The following TTC23L variants were observed in gnomAD, a reference collection of about 807,000 sequenced individuals.
TTC23L encodes the protein tetratricopeptide repeat domain 23 like, also known as tetratricopeptide repeat protein 23-like.
A neutral mutation model predicts 48.1 loss-of-function variants in TTC23L; 42 were observed. The ratio of observed to expected loss-of-function variants is 0.87; its 90% CI spans 0.68 to 1.13. The LOEUF (loss-of-function observed/expected upper bound fraction) is 1.13. TTC23L is among the 50% of genes most tolerant of loss of function. The pLI is 0.00. For synonymous variants in TTC23L, 159 were observed against 157.2 expected (o/e 1.01, Z -0.09); for missense variants, 391 against 421.0 (o/e 0.93, Z 0.62).
chr5:34,880,704 T>A (rs1031128892), intron 9 of TTC23L: 14 of 363,664 alleles, frequency 3.8e-5, no homozygotes, highest in Non-Finnish European at 6.8e-5. Context: ...AGTGGGGCGA[T>A]CTCGGCTCAC....
At chr5:34,889,907 T>G (rs1011386031) in intron 9 of TTC23L, among the ~76,000 whole-genome samples, 3 of 151,828 alleles carry the variant, frequency 2.0e-5, no homozygotes, top group African/African-American at 7.3e-5. Flanking sequence ...GGCGCGATCT[T>G]GGCTCACTGC....
downstream of TTC23L, among the ~76,000 whole-genome samples, chr5:34,900,271 GTATGT>G (rs1029132509): frequency 1.3e-5 from 2 of 152,026 alleles, no homozygotes; most frequent in South Asian, 2.1e-4. Context: ...CACATATTTT[GTATGT>G]TATATGTATA....
the TTC23L span, among the ~76,000 whole-genome samples, chr5:34,924,025 G>C: frequency 1.5e-3 from 224 of 152,218 alleles, no homozygotes; most frequent in Non-Finnish European, 2.1e-3. Flanking sequence ...CTCTCTCAAA[G>C]CTTAGAAGTT....
the TTC23L span, chr5:34,922,816 G>C: frequency 6.5e-7 from 1 of 1,539,798 alleles, no homozygotes; most frequent in Non-Finnish European, 9.0e-7. Context: ...TATCTGGCAT[G>C]GTTGTTTTTA....
intron 8 of TTC23L, among the ~76,000 whole-genome samples, chr5:34,877,529 T>G (rs1432841936): frequency 6.6e-6 from 1 of 152,134 alleles, no homozygotes; most frequent in Non-Finnish European, 1.5e-5. Context: ...GCTCAAGTGA[T>G]TCTCCTGCCT....
At chr5:34,869,355 G>A (rs1761290447) in intron 8 of TTC23L, 1 of 199,208 alleles carries the variant, frequency 5.0e-6, no homozygotes, top group South Asian at 9.4e-5. Flanking sequence ...AATGGGTAGA[G>A]CTTTACCTCC....
At chr5:34,917,579 G>A in the TTC23L span, among the ~76,000 whole-genome samples, 13 of 152,152 alleles carry the variant, frequency 8.5e-5, no homozygotes, top group Admixed American at 2.6e-4. Context: ...GGTGGAGGTT[G>A]CAGTGAGCCG....
the TTC23L span, among the ~76,000 whole-genome samples, chr5:34,910,285 A>G: frequency 1.3e-5 from 2 of 152,098 alleles, no homozygotes; most frequent in African/African-American, 4.8e-5. Flanking sequence ...GATCCCCTGA[A>G]ATACTGTTTT....
chr5:34,871,443 A>G (rs918035458), intron 8 of TTC23L, among the ~76,000 whole-genome samples: 2 of 152,230 alleles, frequency 1.3e-5, no homozygotes, highest in African/African-American at 4.8e-5. Flanking sequence ...CTATGTATGG[A>G]TTGGAAGACA....
chr5:34,908,146 C>G, the TTC23L span: 11 of 150,018 alleles, frequency 7.3e-5, no homozygotes, highest in African/African-American at 2.7e-4. Flanking sequence ...TTTCAGGTAG[C>G]TGCATCAAAC....
the TTC23L span, chr5:34,920,030 A>C: frequency 2.1e-6 from 1 of 475,012 alleles, no homozygotes; most frequent in South Asian, 2.4e-5. Context: ...TGGTCTTCCA[A>C]ATTTTTATCT....
chr5:34,909,967 C>T, the TTC23L span, among the ~76,000 whole-genome samples: 3 of 152,138 alleles, frequency 2.0e-5, no homozygotes, highest in Non-Finnish European at 2.9e-5. Flanking sequence ...TTCTGCCTCC[C>T]ATCTTCCAGG....
intron 8 of TTC23L, chr5:34,869,241 A>C (rs1580455914): frequency 2.3e-6 from 1 of 439,860 alleles, no homozygotes; most frequent in Non-Finnish European, 4.2e-6. Context: ...TACATCCTCT[A>C]TTTATTTTGA....
At chr5:34,853,918 G>A (rs1054449497) in intron 4 of TTC23L, among the ~76,000 whole-genome samples, 1 of 152,208 alleles carries the variant, frequency 6.6e-6, no homozygotes, top group Non-Finnish European at 1.5e-5. Context: ...AGGCATTTGA[G>A]AGGGAGATTT....
At chr5:34,916,446 T>C in the TTC23L span, 1 of 152,394 alleles carries the variant, frequency 6.6e-6, no homozygotes, top group Admixed American at 6.5e-5. Context: ...AGACATTGAA[T>C]GTGCCATGCA....
At chr5:34,923,825 G>A in the TTC23L span, among the ~76,000 whole-genome samples, 2 of 152,264 alleles carry the variant, frequency 1.3e-5, no homozygotes, top group Admixed American at 6.5e-5. Context: ...AAGTAACTAT[G>A]TACTGTCTTA....
At chr5:34,871,118 A>G (rs1390463461) in intron 8 of TTC23L, among the ~76,000 whole-genome samples, 1 of 152,180 alleles carries the variant, frequency 6.6e-6, no homozygotes, top group African/African-American at 2.4e-5. Flanking sequence ...AAGGCAAGAA[A>G]AATAAAATGG....
downstream of TTC23L, among the ~76,000 whole-genome samples, chr5:34,900,433 C>G (rs1268483998): frequency 6.7e-6 from 1 of 149,912 alleles, no homozygotes; most frequent in South Asian, 2.1e-4. Flanking sequence ...CCCAGGAGGT[C>G]GAGGCTGCAG....
At position 34,863,189 on chromosome 5, in the gene TTC23L, A is replaced by G. The variant is rs1760807356; in HGVS notation, c.536+135A>G. ...TGTTCCAACATCAAGGCCCTCCATGAGCCTCTCCTCTCCATCTAGAAGGGT... is the reference window on the plus strand; with the variant it reads ...TGTTCCAACATCAAGGCCCTCCATGGGCCTCTCCTCTCCATCTAGAAGGGT... On this transcript the variant is annotated intron_variant, in intron 5 of 10. Coordinates refer to ENST00000505624, the Ensembl canonical transcript of TTC23L. This position sits in a 1 kb window ranked among gnomAD's most constrained non-coding sequence, Gnocchi z 4.1. 6.7e-6 allele frequency: 7 copies of G among 1,050,534 alleles called. No homozygotes were observed. The South Asian group carries it at 1.1e-4, about 17-fold the overall frequency. 65.1% of individuals were successfully genotyped at this position (1,050,534 alleles called of 1,614,324 possible).
Sources: gnomAD v4.1 joint callset for allele counts (sites outside exome capture counted in the v4.1 genomes callset) on GRCh38, gnomAD v4.1.1 for gene constraint, Gnocchi (gnomAD v3.1) non-coding constraint, MANE v1.5 for transcripts, NCBI Gene and HGNC (gene_info 2026-07-23, HGNC 2026-07-21) for gene names.